RNF138: variants seen among roughly 807,000 people sequenced by gnomAD.
RNF138 encodes the protein ring finger protein 138, also known as E3 ubiquitin-protein ligase RNF138.
Under a neutral mutation model 31.0 loss-of-function variants are expected in RNF138, and 12 were observed. That is an observed-to-expected ratio of 0.39 (90% CI 0.25 to 0.63). The LOEUF (loss-of-function observed/expected upper bound fraction) is 0.63, where lower values mean the gene tolerates loss of function less well. Ranked by LOEUF, RNF138 falls within the 20% of genes least tolerant of loss-of-function variation. The probability of loss-of-function intolerance (pLI) is 0.52; values close to 1 mark genes in which losing one functional copy is unlikely to be tolerated. For synonymous variants in RNF138, 105 were observed against 99.5 expected, an observed-to-expected ratio of 1.06 and a Z score of -0.33; for missense variants, 192 against 300.1, an observed-to-expected ratio of 0.64 and a Z score of 2.66.
intron 4 of RNF138, among the ~76,000 whole-genome samples, chr18:32,122,680 C>T (rs950893997): frequency 3.9e-5 from 6 of 152,032 alleles, no homozygotes; most frequent in South Asian, 2.1e-4. Flanking sequence ...AAAAATTAGC[C>T]GGTCATGGTG....
At chr18:32,126,545 A>G (rs935227520) in intron 6 of RNF138, 148 bp from the exon 7 acceptor site, 5 of 504,876 alleles carry the variant, frequency 9.9e-6, no homozygotes, top group Non-Finnish European at 1.8e-5. Context: ...TTGATTGGGA[A>G]ATGATCTAGT....
chr18:32,123,630 T>A, intron 5 of RNF138, 56 bp downstream of exon 5: 3 of 1,066,594 alleles, frequency 2.8e-6, no homozygotes, highest in Non-Finnish European at 4.1e-6. Context: ...TTATCACTTA[T>A]CAAATAGCTT....
At chr18:32,122,652 C>T (rs1431781378) in intron 4 of RNF138, among the ~76,000 whole-genome samples, 8 of 152,028 alleles carry the variant, frequency 5.3e-5, no homozygotes, top group East Asian at 3.9e-4. Flanking sequence ...GGCGAAACCC[C>T]GTCTCTACTA....
chr18:32,113,846 T>C lies in RNF138; in HGVS notation c.378T>C (p.Asp126=). ...SIIPNFQISQ[D]SVGNSNRSET... Reference sequence around the variant, plus strand: ...TTCCAAACTTTCAGATCTCTCAAGATTCAGTAGGGAACAGGTAAGCAATAC... The same window carrying C: ...TTCCAAACTTTCAGATCTCTCAAGACTCAGTAGGGAACAGGTAAGCAATAC... The change falls in exon 4 of 8, where the codon GAT becomes GAC. Residue 126 remains aspartate, a synonymous_variant. Coordinates refer to ENST00000261593, the MANE Select transcript of RNF138 (RefSeq NM_016271.5). 1 of 1,487,612 alleles carries C rather than the reference T, an allele frequency of 6.7e-7. No individual in the cohort carries two copies. Among genetic ancestry groups the C allele is most frequent in the Non-Finnish European group, 9.2e-7 (1 of 1,090,474 alleles). 92.2% of individuals were successfully genotyped at this position (1,487,612 alleles called of 1,614,324 possible).
intron 2 of RNF138, among the ~76,000 whole-genome samples, chr18:32,098,387 A>G (rs1281014900): frequency 2.0e-5 from 3 of 152,130 alleles, no homozygotes. Flanking sequence ...GGTCTCAAGC[A>G]GTCCTCCCAC....
At chr18:32,116,835 T>TC (rs747543940) in intron 4 of RNF138, among the ~76,000 whole-genome samples, 1 of 152,204 alleles carries the variant, frequency 6.6e-6, no homozygotes, top group Non-Finnish European at 1.5e-5. Flanking sequence ...TCCACCTGCC[T>TC]TGGCCTTCCA....
rs2039702463 is a variant in RNF138, at chr18:32,092,238, G to A, written c.-78+3G>A. ...CAACGCCGCTTCGGGGCTCCTAGGT[G>A]AGAGTCTCCCCGGCGGAAGCGTGGA... On this transcript the variant is annotated splice_donor_region_variant and intron_variant, in intron 1 of 7. Coordinates refer to ENST00000261593, the MANE Select transcript of RNF138 (RefSeq NM_016271.5). 6.5e-6 allele frequency: 1 copy of A among 152,994 alleles called. No homozygotes were observed. Among genetic ancestry groups the A allele is most frequent in the African/African-American group, 2.4e-5 (1 of 41,354 alleles). 9.5% of individuals were successfully genotyped at this position (152,994 alleles called of 1,614,324 possible).
At chr18:32,092,461 TGGGGCGGGGTGAGGGGCGAGC>T in intron 1 of RNF138, 1 of 322,826 alleles carries the variant, frequency 3.1e-6, no homozygotes, top group Non-Finnish European at 5.6e-6. Context: ...GGCCGCGTCC[TGGGGCGGGGTGAGGGGCGAGC>T]GGGGCGGGCC....
At chr18:32,097,940 A>T (rs183409478) in intron 2 of RNF138, among the ~76,000 whole-genome samples, 1 of 45,530 alleles carries the variant, frequency 2.2e-5, no homozygotes, top group African/African-American at 4.9e-5. Flanking sequence ...ATGTGTATGT[A>T]TATATGTGTG....
intron 6 of RNF138, chr18:32,125,311 A>AC (rs1162047213): frequency 6.5e-6 from 1 of 152,830 alleles, no homozygotes; most frequent in Non-Finnish European, 1.5e-5. Flanking sequence ...GAAGGAAAAG[A>AC]CTTAGACTTT....
At chr18:32,113,565 T>C (rs1219704117) in intron 3 of RNF138, among the ~76,000 whole-genome samples, 180 bp from the exon 4 acceptor site, 1 of 152,200 alleles carries the variant, frequency 6.6e-6, no homozygotes, top group Non-Finnish European at 1.5e-5. Flanking sequence ...CTACATTTAA[T>C]GAACAGAAAT....
rs544170906 is a variant in RNF138, at chr18:32,103,826, C to T, written c.111-7928C>T. ...AAAATACAAAAAAAAATTAGCCGGG[C>T]GCGGTGGCGGGCACCTGTAGTCCCA... On this transcript the variant is annotated intron_variant, in intron 2 of 7. Coordinates refer to ENST00000261593, the MANE Select transcript of RNF138 (RefSeq NM_016271.5). 6.8e-5 allele frequency among the ~76,000 whole-genome samples: 10 copies of T among 148,024 alleles called. No individual in the cohort carries two copies. In the East Asian group the frequency reaches 8.4e-4, roughly 12 times the overall value.
chr18:32,102,027 C>T (rs2039949774), intron 2 of RNF138, among the ~76,000 whole-genome samples: 1 of 151,094 alleles, frequency 6.6e-6, no homozygotes, highest in African/African-American at 2.4e-5. Flanking sequence ...CAGGCGTGCA[C>T]CACCATGCCT....
chr18:32,095,712 TCA>T (rs1163781998), intron 2 of RNF138, among the ~76,000 whole-genome samples: 4 of 152,234 alleles, frequency 2.6e-5, no homozygotes, highest in Non-Finnish European at 4.4e-5. Context: ...AGGAGCAAGT[TCA>T]TTATCATTAG....
chr18:32,116,366 T>C (rs1212582719), intron 4 of RNF138, among the ~76,000 whole-genome samples: 2 of 152,156 alleles, frequency 1.3e-5, no homozygotes, highest in African/African-American at 4.8e-5. Context: ...CTTTATTGTA[T>C]TTATTTATTT....
In RNF138 at chr18:32,131,520, G is replaced by C. The variant is rs1568246331; in HGVS notation, c.*2333G>C. On this transcript the variant is annotated 3_prime_UTR_variant, in exon 8 of 8. Coordinates refer to ENST00000261593, the MANE Select transcript of RNF138 (RefSeq NM_016271.5). Reference sequence around the variant, plus strand: ...ATTGTTAAAACAGAGTCTTATTTGAGATGTATTGCTTTATTTTTCAATTAA... The same window carrying C: ...ATTGTTAAAACAGAGTCTTATTTGACATGTATTGCTTTATTTTTCAATTAA... 1 of 152,148 alleles carries C rather than the reference G, an allele frequency of 6.6e-6. No homozygotes were observed. Among genetic ancestry groups the C allele is most frequent in the Non-Finnish European group, 1.5e-5 (1 of 68,006 alleles). The allele number at this position is 152,148 out of a possible 1,614,324, so 9.4% of individuals were successfully genotyped here.
At chr18:32,099,580 T>C (rs537926549) in intron 2 of RNF138, among the ~76,000 whole-genome samples, 30 of 152,230 alleles carry the variant, frequency 2.0e-4, no homozygotes, top group Non-Finnish European at 4.3e-4. Context: ...TTTTTTTGTA[T>C]TTTTAGTAGA....
intron 2 of RNF138, among the ~76,000 whole-genome samples, chr18:32,096,074 G>A (rs1283292123): frequency 6.6e-6 from 1 of 152,234 alleles, no homozygotes; most frequent in Non-Finnish European, 1.5e-5. Context: ...CAAAGACAGC[G>A]TAGTGGAGAT....
At chr18:32,097,152 T>G (rs2039823704) in intron 2 of RNF138, among the ~76,000 whole-genome samples, 1 of 152,248 alleles carries the variant, frequency 6.6e-6, no homozygotes, top group Non-Finnish European at 1.5e-5. Context: ...TCTCTTTTGG[T>G]GTTTTATTCT....
Sources: allele counts gnomAD v4.1 joint callset (sites outside exome capture counted in the v4.1 genomes callset), GRCh38; gene constraint gnomAD v4.1.1; transcripts MANE v1.5; gene names NCBI Gene and HGNC (gene_info 2026-07-23, HGNC 2026-07-21).